The following CCDC163 variants were observed in gnomAD, a reference collection of about 807,000 sequenced individuals.
CCDC163 encodes CCDC163 homolog, also known as transmembrane protein CCDC163.
A neutral mutation model predicts 8.2 loss-of-function variants in CCDC163; 13 were observed. The ratio of observed to expected loss-of-function variants is 1.59; its 90% CI spans 1.04 to 2.54. The LOEUF (loss-of-function observed/expected upper bound fraction) is 2.54. Ranked by LOEUF, CCDC163 falls within the 30% of genes most tolerant of loss-of-function variation. CCDC163 has a pLI of 0.00. For missense variants in CCDC163, 117 were observed against 78.6 expected, an observed-to-expected ratio of 1.49 and a Z score of -1.85; for synonymous variants, 41 against 30.9, an observed-to-expected ratio of 1.33 and a Z score of -1.08.
chr1:45,499,866 T>C lies in CCDC163; in HGVS notation c.-257A>G. The C allele has an allele frequency of 1.9e-6, 1 of 538,570 alleles. No individual in the cohort carries two copies. The highest frequency in any genetic ancestry group is 3.3e-5 in the East Asian group (1 of 30,020). The allele number at this position is 538,570 out of a possible 1,614,324, so 33.4% of individuals were successfully genotyped here. A position where few individuals can be genotyped will look rare whatever the true frequency, so the allele number is the denominator to read the frequency against. On this transcript the variant is annotated 5_prime_UTR_variant, in exon 1 of 5. Transcript: ENST00000629482. ...ATGATACGCAGATATCAGGTGGGGA[T>C]TGAAGGTGCCAGAACCTGGTTGAGA...
At position 45,494,891 on chromosome 1, in the gene CCDC163, C is replaced by G. The variant is rs1570794898; in HGVS notation, c.*168G>C. ...CCTGGGAGGCGGAGGTTGCAGTGAG[C>G]TGAGATGGGGGGCAAGGATGGGCAG... On this transcript the variant is annotated 3_prime_UTR_variant, in exon 5 of 5. Transcript: ENST00000629482. 5.0e-6 allele frequency: 3 copies of G among 605,452 alleles called. No individual in the cohort carries two copies. Among genetic ancestry groups the G allele is most frequent in the Non-Finnish European group, 8.9e-6 (3 of 337,982 alleles). The allele number at this position is 605,452 out of a possible 1,614,324, so 37.5% of individuals were successfully genotyped here.
Position 45,497,280 on chromosome 1 carries a change from C to T in CCDC163, c.262+19G>A, listed in dbSNP as rs1229896664. The stretch of plus-strand genomic sequence containing the variant: ...GGGACAAGGAAACGCATATTCGCCC[C>T]CAACCACCTTTTACTTACTCAACTG... On this transcript the variant is annotated intron_variant, in intron 3 of 4. Transcript: ENST00000629482. 3.9e-6 allele frequency: 3 copies of T among 774,174 alleles called. No homozygotes were observed. The highest frequency in any genetic ancestry group is 7.2e-6 in the Non-Finnish European group (3 of 414,056). 48.0% of individuals were successfully genotyped at this position (774,174 alleles called of 1,614,324 possible). A position where few individuals can be genotyped will look rare whatever the true frequency, so the allele number is the denominator to read the frequency against.
At position 45,495,248 on chromosome 1, in the gene CCDC163, A is replaced by G. The variant is rs79388408; in HGVS notation, c.331-82T>C. 7.1e-4 allele frequency: 542 copies of G among 768,772 alleles called. 6 individuals carry two copies. The East Asian group carries it at 1.0e-2, about 14-fold the overall frequency. 47.6% of individuals were successfully genotyped at this position (768,772 alleles called of 1,614,324 possible). A position where few individuals can be genotyped will look rare whatever the true frequency, so the allele number is the denominator to read the frequency against. ...ATAGAACTAGGCCCTAGGCCTTTCT[A>G]ATAGAGAGGGACATAGAGGACTGAC... On this transcript the variant is annotated intron_variant, in intron 4 of 4. Coordinates refer to ENST00000629482, the MANE Select transcript of CCDC163 (RefSeq NM_001102601.3).
In CCDC163 at chr1:45,494,938, T is replaced by C. The variant is rs757965949; in HGVS notation, c.*121A>G. On this transcript the variant is annotated 3_prime_UTR_variant, in exon 5 of 5. Coordinates refer to ENST00000629482, the MANE Select transcript of CCDC163 (RefSeq NM_001102601.3). ...GCAGGCAGTGAAAAGCCTCAGTAGA[T>C]AAGACAGATAATAGCTACTTCAAGA... 1.6e-5 allele frequency: 11 copies of C among 696,912 alleles called. No individual in the cohort carries two copies. The highest frequency in any genetic ancestry group is 2.9e-5 in the Non-Finnish European group (11 of 380,098). 43.2% of individuals were successfully genotyped at this position (696,912 alleles called of 1,614,324 possible).
At chr1:45,496,085 G>A (rs1654102030) in intron 4 of CCDC163, 1 of 283,960 alleles carries the variant, frequency 3.5e-6, no homozygotes, top group African/African-American at 2.2e-5. Context: ...GTCAAATCTA[G>A]GATAGCTGAA....
At position 45,494,893 on chromosome 1, in the gene CCDC163, G is replaced by C. The variant is rs1340854038; in HGVS notation, c.*166C>G. 3.3e-6 allele frequency: 2 copies of C among 610,442 alleles called. No individual in the cohort carries two copies. The highest frequency in any genetic ancestry group is 5.9e-6 in the Non-Finnish European group (2 of 340,762). The allele number at this position is 610,442 out of a possible 1,614,324, so 37.8% of individuals were successfully genotyped here. On this transcript the variant is annotated 3_prime_UTR_variant, in exon 5 of 5. Transcript: ENST00000629482. The stretch of plus-strand genomic sequence containing the variant: ...TGGGAGGCGGAGGTTGCAGTGAGCT[G>C]AGATGGGGGGCAAGGATGGGCAGGC...
chr1:45,497,719 C>T (rs1353588706), intron 2 of CCDC163, among the ~76,000 whole-genome samples: 1 of 37,516 alleles, frequency 2.7e-5, no homozygotes, highest in Non-Finnish European at 5.2e-5. Flanking sequence ...AGGGGGTCAG[C>T]CCCCCGCCAG....
chr1:45,499,999 C>T lies in CCDC163; in HGVS notation c.-390G>A. ...TTGGTTTTGAAAGTCCGACTTTGGA[C>T]TGGCTGCCGCAGCGCCACCTGGGAA... On this transcript the variant is annotated 5_prime_UTR_variant, in exon 1 of 5. Coordinates refer to ENST00000629482, the MANE Select transcript of CCDC163 (RefSeq NM_001102601.3). 1 of 500,864 alleles carries T rather than the reference C, an allele frequency of 2.0e-6. No homozygotes were observed. The highest frequency in any genetic ancestry group is 2.1e-5 in the South Asian group (1 of 47,842). The allele number at this position is 500,864 out of a possible 1,614,324, so 31.0% of individuals were successfully genotyped here.
intron 2 of CCDC163, among the ~76,000 whole-genome samples, chr1:45,498,932 C>G (rs569423491): frequency 5.3e-5 from 8 of 152,186 alleles, no homozygotes; most frequent in African/African-American, 1.9e-4. Context: ...CAGCTTTTCC[C>G]GACCCCTAGT....
At chr1:45,497,453 G>A (rs1041524160) in intron 2 of CCDC163, 70 bp from the exon 3 acceptor site, 2 of 722,826 alleles carry the variant, frequency 2.8e-6, no homozygotes, top group African/African-American at 3.5e-5. Flanking sequence ...AACTCTTAGA[G>A]AGGATGATCC....
Position 45,495,423 on chromosome 1 carries a change from T to C in CCDC163, c.331-257A>G, listed in dbSNP as rs755056561. 2.1e-5 allele frequency: 15 copies of C among 702,718 alleles called. 1 individual carries two copies. In the South Asian group the frequency reaches 2.2e-4, roughly 10 times the overall value. The allele number at this position is 702,718 out of a possible 1,614,324, so 43.5% of individuals were successfully genotyped here. A position where few individuals can be genotyped will look rare whatever the true frequency, so the allele number is the denominator to read the frequency against. Reference sequence around the variant, plus strand: ...ATCCTTGTCCTTATCCTTACCTGGCTTCCATAAAAGTTCCCAGCTACTGTT... The same window carrying C: ...ATCCTTGTCCTTATCCTTACCTGGCCTCCATAAAAGTTCCCAGCTACTGTT... On this transcript the variant is annotated intron_variant, in intron 4 of 4. Transcript: ENST00000629482.
At chr1:45,495,384 C>T in intron 4 of CCDC163, 1 of 702,944 alleles carries the variant, frequency 1.4e-6, no homozygotes, top group Non-Finnish European at 2.6e-6. Flanking sequence ...GATTTAGCCT[C>T]CCCCAAAACG....
intron 3 of CCDC163, 128 bp from the exon 4 acceptor site, chr1:45,496,751 A>C: frequency 1.6e-6 from 1 of 634,698 alleles, no homozygotes; most frequent in Non-Finnish European, 2.8e-6. Flanking sequence ...GACGCTTCCA[A>C]GCTGACTGAA....
At position 45,499,749 on chromosome 1, in the gene CCDC163, A is replaced by G; in HGVS notation, c.-140T>C. 1 of 631,976 alleles carries G rather than the reference A, an allele frequency of 1.6e-6. No individual in the cohort carries two copies. The highest frequency in any genetic ancestry group is 2.9e-6 in the Non-Finnish European group (1 of 349,690). 39.1% of individuals were successfully genotyped at this position (631,976 alleles called of 1,614,324 possible). On this transcript the variant is annotated 5_prime_UTR_variant, in exon 1 of 5. Coordinates refer to ENST00000629482, the MANE Select transcript of CCDC163 (RefSeq NM_001102601.3). ...GGAAGTGGGGATGCAACACTGGGGT[A>G]GGTGGATGCACTATCAGACCAAAAC...
At position 45,497,155 on chromosome 1, in the gene CCDC163, AGGCAACAGAGCGAGGCTG is replaced by A. The variant is rs1654228148; in HGVS notation, c.262+126_262+143del. The A allele has an allele frequency of 3.1e-5, 16 of 522,466 alleles. No homozygotes were observed. In the South Asian group the frequency reaches 4.4e-4, roughly 14 times the overall value. The allele number at this position is 522,466 out of a possible 1,614,324, so 32.4% of individuals were successfully genotyped here. A position where few individuals can be genotyped will look rare whatever the true frequency, so the allele number is the denominator to read the frequency against. On this transcript the variant is annotated intron_variant, in intron 3 of 4. Coordinates refer to ENST00000629482, the MANE Select transcript of CCDC163 (RefSeq NM_001102601.3). ...GCCATTGCAACACAGCCTTGGCAACAGGCAACAGAGCGAGGCTGGGCAACAGAGCAAGACTCCATCTCA... is the reference window on the plus strand; with the variant it reads ...GCCATTGCAACACAGCCTTGGCAACAGGCAACAGAGCAAGACTCCATCTCA...
chr1:45,496,472 G>A (rs1462650566), intron 4 of CCDC163, 84 bp downstream of exon 4: 1 of 728,046 alleles, frequency 1.4e-6, no homozygotes, highest in Non-Finnish European at 2.5e-6. Context: ...GGGTATCCTG[G>A]CCTCCCTGCA....
chr1:45,496,763 A>G (rs1570801249), intron 3 of CCDC163, 140 bp from the exon 4 acceptor site: 1 of 628,356 alleles, frequency 1.6e-6, no homozygotes, highest in Non-Finnish European at 2.8e-6. Flanking sequence ...CTGACTGAAG[A>G]GATTAAACTC....
Position 45,499,895 on chromosome 1 carries a change from C to G in CCDC163, c.-286G>C. 2.0e-6 allele frequency: 1 copy of G among 509,056 alleles called. No homozygotes were observed. Among genetic ancestry groups the G allele is most frequent in the Admixed American group, 3.2e-5 (1 of 30,850 alleles). 31.5% of individuals were successfully genotyped at this position (509,056 alleles called of 1,614,324 possible). On this transcript the variant is annotated 5_prime_UTR_variant, in exon 1 of 5. Coordinates refer to ENST00000629482, the MANE Select transcript of CCDC163 (RefSeq NM_001102601.3). ...AGGTGCCAGAACCTGGTTGAGACCTCCCCAGAAGTAGTACACTGGCGCCAC... is the reference window on the plus strand; with the variant it reads ...AGGTGCCAGAACCTGGTTGAGACCTGCCCAGAAGTAGTACACTGGCGCCAC...
rs1654254955 is a variant in CCDC163 at position 45,497,381 on chromosome 1, A to T, written c.180T>A (p.Asn60Lys). 1.3e-6 allele frequency: 1 copy of T among 778,670 alleles called. No homozygotes were observed. Among genetic ancestry groups the T allele is most frequent in the African/African-American group, 1.7e-5 (1 of 58,980 alleles). 48.2% of individuals were successfully genotyped at this position (778,670 alleles called of 1,614,324 possible). ...GCIFLGSPPQ[N>K]STAVTPAVLW... ...GCACTGCAGGAGTGACAGCAGTGCT[A>T]TTCTAAAGTCAATCAACAAATCCAG... Residue 60 changes from asparagine to lysine, a missense_variant and splice_region_variant, in exon 3 of 5, where the codon AAT (asparagine) becomes AAA (lysine). Transcript: ENST00000629482.
Sources: allele counts gnomAD v4.1 joint callset (sites outside exome capture counted in the v4.1 genomes callset), GRCh38; gene constraint gnomAD v4.1.1; transcripts MANE v1.5; gene names NCBI Gene and HGNC (gene_info 2026-07-23, HGNC 2026-07-21).